RNGTT: variants seen among roughly 807,000 people sequenced by gnomAD.
RNGTT encodes the protein mRNA-capping enzyme.
In RNGTT, 33 loss-of-function variants were observed where a neutral mutation model predicts 79.3. The ratio of observed to expected loss-of-function variants is 0.42; its 90% confidence interval spans 0.32 to 0.56. RNGTT has a LOEUF of 0.56. Ranked by LOEUF, RNGTT falls within the 20% of genes least tolerant of loss-of-function variation. The probability of loss-of-function intolerance (pLI) is 0.17; values close to 1 mark genes in which losing one functional copy is unlikely to be tolerated. For synonymous variants in RNGTT, 222 were observed against 235.9 expected (o/e 0.94, Z 0.54); for missense variants, 497 against 739.1 (o/e 0.67, Z 3.80).
chr6:88,898,018 T>C (rs1238159154), intron 6 of RNGTT, among the ~76,000 whole-genome samples: 1 of 152,094 alleles, frequency 6.6e-6, no homozygotes, highest in Non-Finnish European at 1.5e-5. Flanking sequence ...ACTCTACTTG[T>C]CTTTGTCTCT....
chr6:88,688,821 C>T (rs1490266681), intron 13 of RNGTT, among the ~76,000 whole-genome samples: 3 of 152,176 alleles, frequency 2.0e-5, no homozygotes, highest in African/African-American at 4.8e-5. Context: ...AGAACAACCC[C>T]TCCTCTTCCT....
At chr6:88,614,850 A>G (rs139695769) in intron 14 of RNGTT, among the ~76,000 whole-genome samples, 50 of 152,350 alleles carry the variant, frequency 3.3e-4, no homozygotes, top group African/African-American at 1.2e-3. Flanking sequence ...GTTACATATC[A>G]ATAGTGAATA....
At chr6:88,950,866 T>G (rs546432155) in intron 1 of RNGTT, among the ~76,000 whole-genome samples, 17 of 151,994 alleles carry the variant, frequency 1.1e-4, no homozygotes, top group Admixed American at 3.3e-4. Context: ...TTTTGGTTTT[T>G]TTTTTTTTTT....
At chr6:88,810,534 A>G (rs896772801) in intron 11 of RNGTT, among the ~76,000 whole-genome samples, 9 of 152,206 alleles carry the variant, frequency 5.9e-5, no homozygotes, top group Non-Finnish European at 1.2e-4. Flanking sequence ...CACAGTCTCC[A>G]TGAAAAAAAG....
chr6:88,769,673 TCTTTA>T, intron 13 of RNGTT, 96 bp downstream of exon 13: 1 of 576,002 alleles, frequency 1.7e-6, no homozygotes. Context: ...TTAGTTTCTT[TCTTTA>T]AAGTATTGTA....
intron 14 of RNGTT, among the ~76,000 whole-genome samples, chr6:88,626,262 T>C (rs1772629298): frequency 6.6e-6 from 1 of 152,008 alleles, no homozygotes; most frequent in African/African-American, 2.4e-5. Context: ...TGCATGAGGA[T>C]ACAGAGCTGA....
At chr6:88,897,923 A>G (rs1354621891) in intron 6 of RNGTT, among the ~76,000 whole-genome samples, 3 of 152,186 alleles carry the variant, frequency 2.0e-5, no homozygotes, top group African/African-American at 4.8e-5. Flanking sequence ...CATCACAAAT[A>G]CATTGCTGCA....
At chr6:88,688,842 AATG>A (rs1376681963) in intron 13 of RNGTT, among the ~76,000 whole-genome samples, 1 of 152,168 alleles carries the variant, frequency 6.6e-6, no homozygotes, top group African/African-American at 2.4e-5. Flanking sequence ...CAGCCTTCAC[AATG>A]ATGACAAGGA....
chr6:88,776,321 C>CT (rs34732511), intron 12 of RNGTT, among the ~76,000 whole-genome samples: 19,814 of 139,390 alleles, frequency 0.14, 1,526 homozygotes, highest in Middle Eastern at 0.25. Flanking sequence ...ACCTTTTGAC[C>CT]TTTTTTTTTT....
At chr6:88,691,768 T>TATA (rs1225921328) in intron 13 of RNGTT, among the ~76,000 whole-genome samples, 1 of 152,124 alleles carries the variant, frequency 6.6e-6, no homozygotes. Flanking sequence ...AAGGTTGTAA[T>TATA]ACATAATACA....
intron 12 of RNGTT, among the ~76,000 whole-genome samples, chr6:88,780,445 C>A (rs9451081): frequency 0.026 from 4,004 of 152,116 alleles, 172 homozygotes; most frequent in African/African-American, 0.091. Context: ...ACTTGAAATA[C>A]AGAATCTTGC....
At chr6:88,804,664 T>C (rs182249808) in intron 11 of RNGTT, among the ~76,000 whole-genome samples, 82 of 152,290 alleles carry the variant, frequency 5.4e-4, no homozygotes, top group Admixed American at 3.9e-3. Flanking sequence ...TGAGATCATA[T>C]ATGTAATGTG....
intron 13 of RNGTT, among the ~76,000 whole-genome samples, chr6:88,733,388 A>G (rs920553995): frequency 6.7e-6 from 1 of 149,978 alleles, no homozygotes; most frequent in African/African-American, 2.4e-5. Context: ...AAAAAAAAGA[A>G]AAAAGAAATG....
chr6:88,806,373 A>G (rs1440197108), intron 11 of RNGTT, among the ~76,000 whole-genome samples: 2 of 146,388 alleles, frequency 1.4e-5, no homozygotes, highest in Non-Finnish European at 3.0e-5. Flanking sequence ...GCTGGAGTGC[A>G]GTGGCACAGT....
At chr6:88,618,399 G>T (rs1271654955) in intron 14 of RNGTT, among the ~76,000 whole-genome samples, 1 of 152,094 alleles carries the variant, frequency 6.6e-6, no homozygotes, top group African/African-American at 2.4e-5. Context: ...TCAAAAGAAT[G>T]ACCGGTATAA....
intron 12 of RNGTT, among the ~76,000 whole-genome samples, chr6:88,778,513 G>A (rs1432414281): frequency 6.6e-6 from 1 of 152,070 alleles, no homozygotes; most frequent in Non-Finnish European, 1.5e-5. Flanking sequence ...ATGGAGTCTT[G>A]CTATCTTGCC....
chr6:88,663,266 G>C (rs1193899856), intron 14 of RNGTT, among the ~76,000 whole-genome samples: 1 of 152,160 alleles, frequency 6.6e-6, no homozygotes, highest in Non-Finnish European at 1.5e-5. Context: ...GGGGACTATG[G>C]AATTGCTATG....
intron 8 of RNGTT, among the ~76,000 whole-genome samples, chr6:88,868,071 T>C (rs1291249393): frequency 6.6e-6 from 1 of 152,102 alleles, no homozygotes; most frequent in Non-Finnish European, 1.5e-5. Flanking sequence ...ACAGCAACTA[T>C]TCCTCAGAGT....
At chr6:88,647,624 ATCACT>A (rs1313728279) in intron 14 of RNGTT, among the ~76,000 whole-genome samples, 12 of 149,554 alleles carry the variant, frequency 8.0e-5, no homozygotes, top group Admixed American at 2.0e-4. Context: ...AGGTAGGAGG[ATCACT>A]TGAGCCTGAA....
Sources: gnomAD v4.1 joint callset for allele counts (sites outside exome capture counted in the v4.1 genomes callset) on GRCh38, gnomAD v4.1.1 for gene constraint, MANE v1.5 for transcripts, NCBI Gene and HGNC (gene_info 2026-07-23, HGNC 2026-07-21) for gene names.